Variants in ZNF577 observed in about 807,000 individuals in gnomAD.
ZNF577 encodes zinc finger protein 577.
A neutral mutation model predicts 13.9 loss-of-function variants in ZNF577; 14 were observed. The ratio of observed to expected loss-of-function variants is 1.00; its 90% CI spans 0.66 to 1.57. ZNF577 has a LOEUF of 1.57. ZNF577 is among the 40% of genes most tolerant of loss of function. The pLI is 0.00. For synonymous variants in ZNF577, 203 were observed against 202.9 expected (o/e 1.00, Z 0.00); for missense variants, 555 against 579.2 (o/e 0.96, Z 0.43).
At chr19:51,861,391 A>G (rs2084500621) in intron 5 of ZNF577, 1 of 156,678 alleles carries the variant, frequency 6.4e-6, no homozygotes, top group African/African-American at 2.4e-5. Flanking sequence ...TCAGCCTCCC[A>G]AAGTGCTGAG....
In ZNF577 at chr19:51,809,381, C is replaced by T. The variant is rs117481870; in HGVS notation, c.*817+2076G>A. Among the ~76,000 whole-genome samples, 911 of 152,280 alleles carry T rather than the reference C, an allele frequency of 6.0e-3. 3 individuals are homozygous for T. The highest frequency in any genetic ancestry group is 9.6e-3 in the Non-Finnish European group (651 of 68,018). Reference sequence around the variant, plus strand: ...TAGATATGACTGACACATCAGCTCCCGTATCCATAAGCCCATAAAATTTCT... The same window carrying T: ...TAGATATGACTGACACATCAGCTCCTGTATCCATAAGCCCATAAAATTTCT... On this transcript the variant is annotated intron_variant and NMD_transcript_variant, in intron 10 of 10. Transcript: ENST00000638827.
downstream of ZNF577, among the ~76,000 whole-genome samples, chr19:51,864,713 A>T (rs570612584): frequency 6.6e-6 from 1 of 152,220 alleles, no homozygotes; most frequent in African/African-American, 2.4e-5. Context: ...TTCCCAGGCA[A>T]ATGTAGGAGG....
At chr19:51,885,061 T>C (rs931512922) in intron 1 of ZNF577, among the ~76,000 whole-genome samples, 1 of 152,256 alleles carries the variant, frequency 6.6e-6, no homozygotes, top group Non-Finnish European at 1.5e-5. Context: ...TGACTTTTTA[T>C]AAATGTCCTA....
Position 51,824,934 on chromosome 19 carries a change from C to G in ZNF577, c.*600-13260G>C, listed in dbSNP as rs2084221556. On this transcript the variant is annotated intron_variant and NMD_transcript_variant, in intron 9 of 10. Transcript: ENST00000638827. The surrounding 1 kb of genome is among the most constrained non-coding windows in gnomAD (Gnocchi z 4.7). ...CCACAATCATCAACATAAAGGAAGT[C>G]TGTACCAAATCTGTAGGGGGTTTTT... 2.6e-6 allele frequency: 2 copies of G among 783,884 alleles called. No individual in the cohort carries two copies. Among genetic ancestry groups the G allele is most frequent in the Non-Finnish European group, 4.1e-6 (2 of 489,988 alleles). The allele number at this position is 783,884 out of a possible 1,614,324, so 48.6% of individuals were successfully genotyped here. A position where few individuals can be genotyped will look rare whatever the true frequency, so the allele number is the denominator to read the frequency against.
At chr19:51,884,552 C>A (rs776206196) in intron 1 of ZNF577, among the ~76,000 whole-genome samples, 3 of 151,930 alleles carry the variant, frequency 2.0e-5, no homozygotes, top group Non-Finnish European at 4.4e-5. Flanking sequence ...AGAGATGACT[C>A]CAATATTATG....
In ZNF577 at chr19:51,868,019, G is replaced by A. The variant is rs982927461; in HGVS notation, c.*4513C>T. ...GCTGACACTGGATTTCTACTCTGAG[G>A]TCTGGCAGGTTCTAGTATTTACAGA... On this transcript the variant is annotated 3_prime_UTR_variant, in exon 6 of 6. Coordinates refer to ENST00000638348, the MANE Select transcript of ZNF577 (RefSeq NM_001370449.1). 6.6e-5 allele frequency among the ~76,000 whole-genome samples: 10 copies of A among 152,172 alleles called. No individual in the cohort carries two copies. The highest frequency in any genetic ancestry group is 1.2e-4 in the Non-Finnish European group (8 of 68,028).
In ZNF577 at chr19:51,869,699, A is replaced by G. The variant is rs955941010; in HGVS notation, c.*2833T>C. Among the ~76,000 whole-genome samples the G allele has an allele frequency of 6.6e-6, 1 of 152,122 alleles. No individual in the cohort carries two copies. Among genetic ancestry groups the G allele is most frequent in the Admixed American group, 6.5e-5 (1 of 15,270 alleles). ...AGGTGTGGACGGGCTGGACCCCTTC[A>G]ATGTGGAGAAAAATGGCCAAAGGCA... On this transcript the variant is annotated 3_prime_UTR_variant, in exon 6 of 6. Transcript: ENST00000638348.
At chr19:51,817,067 C>T (rs1363697447) in intron 9 of ZNF577, among the ~76,000 whole-genome samples, 1 of 152,092 alleles carries the variant, frequency 6.6e-6, no homozygotes, top group Admixed American at 6.5e-5. Context: ...TCCAGTCTCC[C>T]ACAGAAGGTT....
chr19:51,820,940 A>G (rs2122486600), intron 9 of ZNF577, among the ~76,000 whole-genome samples: 1 of 152,354 alleles, frequency 6.6e-6, no homozygotes, highest in South Asian at 2.1e-4. Flanking sequence ...GTTAGGGTTA[A>G]AGGAGAAGCT....
intron 5 of ZNF577, chr19:51,860,824 A>G (rs776250964): frequency 6.3e-6 from 2 of 316,486 alleles, no homozygotes; most frequent in Non-Finnish European, 1.2e-5. Context: ...CTTTATCACA[A>G]TCACATTCAC....
At chr19:51,806,463 G>C (rs1470558447) in intron 10 of ZNF577, among the ~76,000 whole-genome samples, 5 of 152,140 alleles carry the variant, frequency 3.3e-5, no homozygotes. Flanking sequence ...TCCGTACCAG[G>C]AGTCAAAAAT....
intron 5 of ZNF577, among the ~76,000 whole-genome samples, chr19:51,845,587 C>A (rs565981560): frequency 6.6e-6 from 1 of 152,266 alleles, no homozygotes; most frequent in South Asian, 2.1e-4. Flanking sequence ...CATGTCTTAT[C>A]TAACTGAAAT....
intron 9 of ZNF577, among the ~76,000 whole-genome samples, chr19:51,838,326 C>T (rs1442371553): frequency 1.3e-5 from 2 of 150,530 alleles, no homozygotes; most frequent in Non-Finnish European, 3.0e-5. Flanking sequence ...GGCAAATACA[C>T]GATTGATGCA....
intron 5 of ZNF577, among the ~76,000 whole-genome samples, chr19:51,849,229 G>T (rs2084368631): frequency 6.6e-6 from 1 of 152,168 alleles, no homozygotes; most frequent in Admixed American, 6.5e-5. Flanking sequence ...TACAAAACAG[G>T]TTGTGCATGG....
intron 5 of ZNF577, among the ~76,000 whole-genome samples, chr19:51,874,881 CAT>C (rs1009400556): frequency 3.5e-4 from 53 of 152,284 alleles, no homozygotes; most frequent in African/African-American, 1.2e-3. Flanking sequence ...TCTTAGAACA[CAT>C]GTTCCCAGCA....
intron 9 of ZNF577, among the ~76,000 whole-genome samples, chr19:51,835,904 G>A (rs1305626862): frequency 6.6e-6 from 1 of 152,182 alleles, no homozygotes; most frequent in Non-Finnish European, 1.5e-5. Flanking sequence ...TGTTGGTCAG[G>A]CTGGTCTTGA....
intron 5 of ZNF577, among the ~76,000 whole-genome samples, chr19:51,849,994 C>A (rs1015483091): frequency 9.9e-5 from 15 of 152,160 alleles, no homozygotes; most frequent in African/African-American, 3.6e-4. Flanking sequence ...CTTTTAATAA[C>A]ACTATGGAAA....
chr19:51,807,417 C>T (rs1165979905), intron 10 of ZNF577, among the ~76,000 whole-genome samples: 1 of 152,186 alleles, frequency 6.6e-6, no homozygotes, highest in African/African-American at 2.4e-5. Context: ...AAACAGTTTG[C>T]TGTTTGATCA....
intron 1 of ZNF577, 135 bp downstream of exon 1, chr19:51,886,686 A>G (rs2084951906): frequency 6.6e-6 from 1 of 152,238 alleles, no homozygotes; most frequent in African/African-American, 2.4e-5. Flanking sequence ...TTCAGACCAT[A>G]CTACGTACCT....
Sources: allele counts gnomAD v4.1 joint callset (sites outside exome capture counted in the v4.1 genomes callset), GRCh38; gene constraint gnomAD v4.1.1; non-coding constraint Gnocchi (gnomAD v3.1); transcripts MANE v1.5; gene names NCBI Gene and HGNC (gene_info 2026-07-23, HGNC 2026-07-21).